The following SPANXN1 variants were observed in gnomAD, a reference collection of about 807,000 sequenced individuals.
SPANXN1 encodes the protein sperm protein associated with the nucleus on the X chromosome N1.
SPANXN1 carries 1 observed loss-of-function variant against 2.0 expected under a neutral mutation model. The observed-to-expected ratio is 0.50, with a 90% CI of 0.18 to 2.36. The LOEUF is 2.36. SPANXN1 is among the 30% of genes most tolerant of loss of function. The probability of loss-of-function intolerance (pLI) is 0.26; values close to 1 mark genes in which losing one functional copy is unlikely to be tolerated. For synonymous variants in SPANXN1, 27 were observed against 21.3 expected (o/e 1.27, Z -0.74); for missense variants, 55 against 51.8 (o/e 1.06, Z -0.19).
chrX:145,248,427 T>A (rs2070771098), intron 1 of SPANXN1, among the ~76,000 whole-genome samples: 1 of 111,760 alleles, frequency 8.9e-6, no homozygotes. Context: ...AGGGACCACC[T>A]GCTATCCCAG....
chrX:145,255,866 G>A lies in SPANXN1; in HGVS notation c.*52G>A, dbSNP rs1556883140. The A allele has an allele frequency of 8.3e-7, 1 of 1,211,514 alleles. No homozygotes were observed. The highest frequency in any genetic ancestry group is 1.1e-6 in the Non-Finnish European group (1 of 895,131). On this transcript the variant is annotated 3_prime_UTR_variant, in exon 2 of 2. Coordinates refer to ENST00000370493, the MANE Select transcript of SPANXN1 (RefSeq NM_001009614.3). ...GGAGGAGGACGAAGGCCTAGACTCA[G>A]CTGAAGGATCTTCAAAGCAGGATGA...
intron 1 of SPANXN1, among the ~76,000 whole-genome samples, chrX:145,249,539 G>C (rs1204849945): frequency 9.0e-6 from 1 of 111,597 alleles, no homozygotes; most frequent in Non-Finnish European, 1.9e-5. Flanking sequence ...TTCTGGATTG[G>C]CAAATTCTGG....
At chrX:145,249,655 G>A (rs1447942854) in intron 1 of SPANXN1, among the ~76,000 whole-genome samples, 1 of 100,543 alleles carries the variant, frequency 9.9e-6, no homozygotes, top group Non-Finnish European at 1.9e-5. Context: ...GTTTGAAATG[G>A]TGCATTCAGT....
intron 1 of SPANXN1, among the ~76,000 whole-genome samples, chrX:145,251,700 T>TTTTTG (rs1312568933): frequency 4.5e-5 from 5 of 111,574 alleles, no homozygotes; most frequent in African/African-American, 9.8e-5. Flanking sequence ...TGGTTTTGGT[T>TTTTTG]TTTTGTTTTG....
chrX:145,254,140 A>G (rs1487109982), intron 1 of SPANXN1, among the ~76,000 whole-genome samples: 2 of 103,331 alleles, frequency 1.9e-5, no homozygotes, highest in South Asian at 4.8e-4. Context: ...GAGGCAGAGG[A>G]AGGGGTTTGT....
chrX:145,253,441 T>G (rs1414615625), intron 1 of SPANXN1, among the ~76,000 whole-genome samples: 1 of 111,325 alleles, frequency 9.0e-6, no homozygotes, highest in East Asian at 2.8e-4. Context: ...TTTTTAATGT[T>G]TTTTTTCAAA....
At chrX:145,250,462 C>G (rs1556882367) in intron 1 of SPANXN1, among the ~76,000 whole-genome samples, 2 of 110,973 alleles carry the variant, frequency 1.8e-5, no homozygotes, top group African/African-American at 3.3e-5. Context: ...GGGAACATGC[C>G]TTAGTAATAT....
At position 145,253,752 on chromosome X, in the gene SPANXN1, A is replaced by C. The variant is rs1307442767; in HGVS notation, c.76-1919A>C. ...TTCTCATGGGCCTGGGTGCCAATAA[A>C]GATGTGTTCCCTGTCCTCCAGGGTG... On this transcript the variant is annotated intron_variant, in intron 1 of 1. Coordinates refer to ENST00000370493, the MANE Select transcript of SPANXN1 (RefSeq NM_001009614.3). Among the ~76,000 whole-genome samples, 4 of 111,005 alleles carry C rather than the reference A, an allele frequency of 3.6e-5. No homozygotes were observed. The Admixed American group carries it at 3.8e-4, about 11-fold the overall frequency.
chrX:145,247,929 G>T (rs1215887937), intron 1 of SPANXN1, among the ~76,000 whole-genome samples: 6 of 112,661 alleles, frequency 5.3e-5, no homozygotes, highest in Non-Finnish European at 1.1e-4. Flanking sequence ...GGATGTCATT[G>T]TGGTGTTTCT....
intron 1 of SPANXN1, among the ~76,000 whole-genome samples, chrX:145,249,150 G>A (rs782317230): frequency 9.0e-6 from 1 of 110,950 alleles, no homozygotes; most frequent in Non-Finnish European, 1.9e-5. Context: ...TTTTCGACCA[G>A]GTTTATGTGG....
Position 145,248,984 on chromosome X carries a change from A to G in SPANXN1, c.75+1323A>G, listed in dbSNP as rs1372383478. Among the ~76,000 whole-genome samples, 3 of 111,378 alleles carry G rather than the reference A, an allele frequency of 2.7e-5. No individual in the cohort carries two copies. In the East Asian group the frequency reaches 8.5e-4, roughly 31 times the overall value. ...TATTTTATGGAATCAGAGTTGTAAC[A>G]TGTTTAGTTAAGAGGCTATGAGGTG... On this transcript the variant is annotated intron_variant, in intron 1 of 1. Coordinates refer to ENST00000370493, the MANE Select transcript of SPANXN1 (RefSeq NM_001009614.3).
chrX:145,252,161 T>C (rs1406674382), intron 1 of SPANXN1, among the ~76,000 whole-genome samples: 1 of 111,760 alleles, frequency 8.9e-6, no homozygotes, highest in Admixed American at 9.5e-5. Context: ...ATGGGGGCTA[T>C]CCTGGAACCC....
At chrX:145,253,821 C>A (rs1427634075) in intron 1 of SPANXN1, among the ~76,000 whole-genome samples, 12 of 110,798 alleles carry the variant, frequency 1.1e-4, no homozygotes, top group Admixed American at 1.9e-4. Flanking sequence ...CAGGTAAGGT[C>A]ATAAGATTTA....
At chrX:145,252,472 G>A (rs1476418890) in intron 1 of SPANXN1, among the ~76,000 whole-genome samples, 14 of 110,682 alleles carry the variant, frequency 1.3e-4, no homozygotes, top group African/African-American at 4.3e-4. Context: ...GAGAGTTGAC[G>A]GGCTTGAGAA....
At chrX:145,248,702 G>A (rs12010768) in intron 1 of SPANXN1, among the ~76,000 whole-genome samples, 4,347 of 112,097 alleles carry the variant, frequency 0.039, 227 homozygotes, top group African/African-American at 0.13. Flanking sequence ...ATTCCTCCAA[G>A]TTCAATAGCT....
intron 1 of SPANXN1, among the ~76,000 whole-genome samples, chrX:145,253,159 G>A (rs1391969646): frequency 9.0e-6 from 1 of 110,861 alleles, no homozygotes; most frequent in Admixed American, 9.6e-5. Context: ...ACCACAGATG[G>A]GGCAAGGTTT....
At chrX:145,254,822 G>A (rs5965842) in intron 1 of SPANXN1, among the ~76,000 whole-genome samples, 6,251 of 111,343 alleles carry the variant, frequency 0.056, 455 homozygotes, top group African/African-American at 0.19. Flanking sequence ...GAAGGGAAAA[G>A]AAAAAGGTCG....
chrX:145,252,057 G>T (rs1179338493), intron 1 of SPANXN1, among the ~76,000 whole-genome samples: 3 of 111,495 alleles, frequency 2.7e-5, no homozygotes, highest in African/African-American at 9.8e-5. Flanking sequence ...TTAAGGAAAG[G>T]GCTACAGAGA....
rs782396680 is a variant in SPANXN1, at chrX:145,255,820, C to T, written c.*6C>T. The T allele has an allele frequency of 8.3e-7, 1 of 1,210,806 alleles. No homozygotes were observed. Among genetic ancestry groups the T allele is most frequent in the Non-Finnish European group, 1.1e-6 (1 of 895,429 alleles). ...TGGAGAATGACCAGTCCTGAGAGAACTCCATCAATCCAGTCCAAGAGGAGG... is the reference window on the plus strand; with the variant it reads ...TGGAGAATGACCAGTCCTGAGAGAATTCCATCAATCCAGTCCAAGAGGAGG... On this transcript the variant is annotated 3_prime_UTR_variant, in exon 2 of 2. Transcript: ENST00000370493.
Sources: allele counts gnomAD v4.1 joint callset (sites outside exome capture counted in the v4.1 genomes callset), GRCh38; gene constraint gnomAD v4.1.1; transcripts MANE v1.5; gene names NCBI Gene and HGNC (gene_info 2026-07-23, HGNC 2026-07-21).